Variants in CA10 observed in about 807,000 individuals in gnomAD.
CA10 encodes the protein carbonic anhydrase-related protein 10.
Under a neutral mutation model 44.2 loss-of-function variants are expected in CA10, and 14 were observed. That is an observed-to-expected ratio of 0.32 (90% CI 0.21 to 0.50). The LOEUF is 0.50. Among genes scored for constraint, CA10 ranks in the 20% least tolerant of loss-of-function variants. The pLI is 0.99. For synonymous variants in CA10, 159 were observed against 141.6 expected (o/e 1.12, Z -0.87); for missense variants, 350 against 409.7 (o/e 0.85, Z 1.26).
intron 3 of CA10, among the ~76,000 whole-genome samples, chr17:51,757,757 T>C (rs977606210): frequency 6.6e-6 from 1 of 152,236 alleles, no homozygotes; most frequent in Admixed American, 6.5e-5. Flanking sequence ...TTTGTCCAGA[T>C]GTTTTATGCT....
intron 3 of CA10, chr17:51,761,320 A>C (rs1217153891): frequency 6.6e-6 from 1 of 152,200 alleles, no homozygotes. Context: ...GCCAAGTGAC[A>C]GTTGCCTGGG....
At chr17:52,006,990 A>G (rs1985622577) in intron 2 of CA10, among the ~76,000 whole-genome samples, 1 of 151,736 alleles carries the variant, frequency 6.6e-6, no homozygotes, top group Non-Finnish European at 1.5e-5. Context: ...TACACATATT[A>G]TGTACATAGT....
chr17:51,731,324 C>A (rs1916709638), intron 4 of CA10, among the ~76,000 whole-genome samples: 1 of 152,116 alleles, frequency 6.6e-6, no homozygotes, highest in South Asian at 2.1e-4. Flanking sequence ...TTGCAGTGAG[C>A]CGAGATTGTA....
intron 2 of CA10, among the ~76,000 whole-genome samples, chr17:51,991,973 T>C (rs1985057201): frequency 1.3e-5 from 2 of 152,114 alleles, no homozygotes; most frequent in South Asian, 2.1e-4. Flanking sequence ...TTGGGCACTG[T>C]TCCTTTGTTT....
intron 2 of CA10, among the ~76,000 whole-genome samples, chr17:52,061,745 T>G (rs1206680921): frequency 1.3e-5 from 2 of 152,200 alleles, no homozygotes; most frequent in East Asian, 3.9e-4. Context: ...CCGCCATGAT[T>G]GTGAGTTTCT....
intron 3 of CA10, among the ~76,000 whole-genome samples, chr17:51,807,925 T>C (rs1377838003): frequency 6.6e-6 from 1 of 152,194 alleles, no homozygotes; most frequent in South Asian, 2.1e-4. Context: ...GGAGGTAACA[T>C]AGGGGTATCA....
intron 6 of CA10, among the ~76,000 whole-genome samples, chr17:51,640,134 T>C (rs1597955570): frequency 6.6e-6 from 1 of 152,132 alleles, no homozygotes; most frequent in African/African-American, 2.4e-5. Flanking sequence ...AGGGGAAGGG[T>C]TTGCATCTTG....
In CA10 at chr17:52,157,976, C is replaced by T; in HGVS notation, c.-190G>A. On this transcript the variant is annotated 5_prime_UTR_variant, in exon 1 of 9. Transcript: ENST00000451037. ...CGCAGTTTGAATTGTTCCGGCAAAT[C>T]TCCCCTCGGGCTCGACGGATGTGCG... 1 of 627,804 alleles carries T rather than the reference C, an allele frequency of 1.6e-6. No individual in the cohort carries two copies. Among genetic ancestry groups the T allele is most frequent in the Admixed American group, 2.5e-5 (1 of 39,690 alleles). The allele number at this position is 627,804 out of a possible 1,614,324, so 38.9% of individuals were successfully genotyped here.
At chr17:52,109,849 A>G (rs1330794744) in intron 1 of CA10, among the ~76,000 whole-genome samples, 3 of 152,212 alleles carry the variant, frequency 2.0e-5, no homozygotes, top group Non-Finnish European at 4.4e-5. Context: ...AGGCAATAGC[A>G]AAGAAGAATC....
chr17:52,115,610 C>T (rs1217876928), intron 1 of CA10, among the ~76,000 whole-genome samples: 1 of 152,166 alleles, frequency 6.6e-6, no homozygotes, highest in Non-Finnish European at 1.5e-5. Context: ...CCACCCCCAC[C>T]CCAATGGCCA....
chr17:51,733,221 G>A (rs1338516762), intron 4 of CA10, among the ~76,000 whole-genome samples: 2 of 152,146 alleles, frequency 1.3e-5, no homozygotes, highest in Non-Finnish European at 2.9e-5. Context: ...ACTTAATATA[G>A]CTTTTCTATG....
upstream of CA10, chr17:52,158,769 A>AGAG (rs1022579396): frequency 6.6e-6 from 1 of 151,936 alleles, no homozygotes; most frequent in Non-Finnish European, 1.5e-5. Flanking sequence ...CCCAACTCAG[A>AGAG]GAGGAGGAGG....
At chr17:52,085,248 G>A (rs539743971) in intron 1 of CA10, among the ~76,000 whole-genome samples, 7 of 152,228 alleles carry the variant, frequency 4.6e-5, no homozygotes, top group African/African-American at 1.4e-4. Context: ...CTAGACAAAG[G>A]CCCTCAGTGA....
chr17:51,653,880 G>A (rs1185659309), intron 4 of CA10, 144 bp from the exon 5 acceptor site: 5 of 640,268 alleles, frequency 7.8e-6, no homozygotes, highest in Non-Finnish European at 1.4e-5. Flanking sequence ...GGATTTCAGA[G>A]GGATGTGTGT....
intron 4 of CA10, among the ~76,000 whole-genome samples, chr17:51,681,368 A>C (rs1301941374): frequency 6.6e-6 from 1 of 152,210 alleles, no homozygotes; most frequent in Admixed American, 6.5e-5. Flanking sequence ...TGCTGTTGGC[A>C]TCAGAATAGC....
intron 3 of CA10, among the ~76,000 whole-genome samples, chr17:51,892,106 G>A (rs974369878): frequency 6.6e-6 from 1 of 152,206 alleles, no homozygotes; most frequent in Non-Finnish European, 1.5e-5. Flanking sequence ...TAATTTGGCT[G>A]TAATGCATGG....
rs558948284 is a variant in CA10, at chr17:52,158,101, AGCG to A, written c.-318_-316del. 772 of 486,720 alleles carry A rather than the reference AGCG, an allele frequency of 1.6e-3. No homozygotes were observed. The highest frequency in any genetic ancestry group is 2.2e-3 in the Middle Eastern group (4 of 1,828). The allele number at this position is 486,720 out of a possible 1,614,324, so 30.2% of individuals were successfully genotyped here. On this transcript the variant is annotated 5_prime_UTR_variant, in exon 1 of 9. Transcript: ENST00000451037. ...CACCAGCGGCGGAAACCGCACTAGC[AGCG>A]GCGGCGGCGGCGGCGGCGGCAGCAG...
intron 2 of CA10, among the ~76,000 whole-genome samples, chr17:52,043,156 G>C (rs572383565): frequency 2.0e-5 from 3 of 152,162 alleles, no homozygotes; most frequent in African/African-American, 7.2e-5. Context: ...TGTTGAATCT[G>C]TAGATAACTT....
At chr17:51,830,294 A>C (rs1174198775) in intron 3 of CA10, among the ~76,000 whole-genome samples, 1 of 152,090 alleles carries the variant, frequency 6.6e-6, no homozygotes, top group Admixed American at 6.5e-5. Context: ...CTGGGATCCC[A>C]GAAAAGTCTC....
Sources: allele counts gnomAD v4.1 joint callset (sites outside exome capture counted in the v4.1 genomes callset), GRCh38; gene constraint gnomAD v4.1.1; transcripts MANE v1.5; gene names NCBI Gene and HGNC (gene_info 2026-07-23, HGNC 2026-07-21).